The following SLC22A15 variants were observed in gnomAD, a reference collection of about 807,000 sequenced individuals.
The protein encoded by SLC22A15 is solute carrier family 22 member 15.
A neutral mutation model predicts 62.7 loss-of-function variants in SLC22A15; 45 were observed. That is an observed-to-expected ratio of 0.72 (90% CI 0.56 to 0.92). SLC22A15 has a LOEUF of 0.92. SLC22A15 is among the 40% of genes least tolerant of loss of function. The probability of loss-of-function intolerance (pLI) is 0.00; values close to 1 mark genes in which losing one functional copy is unlikely to be tolerated. For synonymous variants in SLC22A15, 264 were observed against 267.0 expected (o/e 0.99, Z 0.11); for missense variants, 622 against 665.6 (o/e 0.93, Z 0.72).
intron 1 of SLC22A15, among the ~76,000 whole-genome samples, chr1:115,979,021 A>G (rs1333459861): frequency 6.6e-6 from 1 of 152,176 alleles, no homozygotes; most frequent in African/African-American, 2.4e-5. Flanking sequence ...GCGATTTGAT[A>G]ATGATTAACC....
chr1:115,976,762 C>G, intron 1 of SLC22A15, 48 bp downstream of exon 1: 1 of 1,440,912 alleles, frequency 6.9e-7, no homozygotes, highest in African/African-American at 1.5e-5. Flanking sequence ...CAGGGCCGCC[C>G]GGCGCAGGGC....
chr1:116,036,275 C>A lies in SLC22A15; in HGVS notation c.1085+948C>A, dbSNP rs1359587650. On this transcript the variant is annotated intron_variant, in intron 7 of 11. Coordinates refer to ENST00000369503, the MANE Select transcript of SLC22A15 (RefSeq NM_018420.3). ...GTGCTGCTCTAGCACCCTGTGCATA[C>A]CTCTGGGGCCACTTAAAAGTGTTAT... 2.9e-4 allele frequency among the ~76,000 whole-genome samples: 44 copies of A among 152,170 alleles called. 1 individual carries two copies. Among genetic ancestry groups the A allele is most frequent in the Admixed American group, 2.7e-3 (42 of 15,274 alleles).
chr1:116,052,000 T>C (rs925465487), intron 8 of SLC22A15, among the ~76,000 whole-genome samples: 5 of 152,200 alleles, frequency 3.3e-5, no homozygotes, highest in African/African-American at 7.2e-5. Context: ...GATTTCTGCA[T>C]TTCCATCTGA....
At position 115,993,940 on chromosome 1, in the gene SLC22A15, C is replaced by T. The variant is rs114145406; in HGVS notation, c.300+1697C>T. Among the ~76,000 whole-genome samples the T allele has an allele frequency of 3.6e-3, 542 of 152,304 alleles. 5 individuals carry two copies. The highest frequency in any genetic ancestry group is 0.013 in the African/African-American group (526 of 41,568). Reference sequence around the variant, plus strand: ...GGAAAGCCCTCACCGCTTGCCCTGGCTTCCACCTGGTGAAATCCTTATCTA... The same window carrying T: ...GGAAAGCCCTCACCGCTTGCCCTGGTTTCCACCTGGTGAAATCCTTATCTA... On this transcript the variant is annotated intron_variant, in intron 2 of 11. Transcript: ENST00000369503.
At chr1:116,033,678 C>T (rs1657524801) in intron 6 of SLC22A15, among the ~76,000 whole-genome samples, 1 of 151,906 alleles carries the variant, frequency 6.6e-6, no homozygotes, top group Admixed American at 6.6e-5. Context: ...AATGCTGTTT[C>T]TGCAGGTGTA....
At chr1:116,002,172 T>A (rs1655773917) in intron 2 of SLC22A15, among the ~76,000 whole-genome samples, 1 of 152,208 alleles carries the variant, frequency 6.6e-6, no homozygotes, top group Non-Finnish European at 1.5e-5. Context: ...TCTTGTTCTC[T>A]TCCCTTACTG....
intron 6 of SLC22A15, chr1:116,031,876 T>C (rs1035678254): frequency 2.5e-6 from 3 of 1,187,476 alleles, no homozygotes; most frequent in Non-Finnish European, 1.0e-6. Context: ...TAAGCCTTCC[T>C]GCCCCTTCCC....
intron 3 of SLC22A15, among the ~76,000 whole-genome samples, chr1:116,020,078 G>T (rs1053576202): frequency 6.6e-6 from 1 of 152,188 alleles, no homozygotes; most frequent in South Asian, 2.1e-4. Context: ...CATTTCAAAT[G>T]AGCTCTACAG....
chr1:116,027,422 A>G (rs920019111), intron 5 of SLC22A15: 1 of 495,932 alleles, frequency 2.0e-6, no homozygotes, highest in Non-Finnish European at 4.1e-6. Context: ...TGTTCATCCT[A>G]CAGATTAGTG....
intron 1 of SLC22A15, among the ~76,000 whole-genome samples, chr1:115,991,814 T>C (rs74817986): frequency 3.7e-4 from 57 of 152,334 alleles, no homozygotes; most frequent in African/African-American, 1.3e-3. Flanking sequence ...AAGTATAAAG[T>C]GTTTTACAAG....
At position 116,066,577 on chromosome 1, in the gene SLC22A15, G is replaced by A. The variant is rs201279625; in HGVS notation, c.1423G>A (p.Gly475Ser). ...IVFGATGLTSGLLSLLLPETL... is the reference protein window; with the variant it reads ...IVFGATGLTSSLLSLLLPETL... The stretch of plus-strand genomic sequence containing the variant: ...CTTCGGAGCCACGGGTCTGACCTCC[G>A]GCCTCCTGAGTTTGTTATTGCCGGA... Residue 475 changes from glycine to serine, a missense_variant, in exon 11 of 12, where the codon GGC (glycine) becomes AGC (serine). Coordinates refer to ENST00000369503, the MANE Select transcript of SLC22A15 (RefSeq NM_018420.3). 52 of 1,607,146 alleles carry A rather than the reference G, an allele frequency of 3.2e-5. No homozygotes were observed. Among genetic ancestry groups the A allele is most frequent in the South Asian group, 4.5e-5 (4 of 89,644 alleles).
intron 8 of SLC22A15, among the ~76,000 whole-genome samples, chr1:116,042,552 A>T (rs985513013): frequency 1.3e-5 from 2 of 152,282 alleles, no homozygotes; most frequent in African/African-American, 4.8e-5. Flanking sequence ...AGGAGGGGAT[A>T]AAGAAAAAGT....
intron 5 of SLC22A15, chr1:116,027,357 G>A (rs758907137): frequency 7.6e-6 from 4 of 526,240 alleles, no homozygotes; most frequent in South Asian, 5.6e-5. Context: ...CTAGGTGTGT[G>A]ACTGAGGTAT....
intron 3 of SLC22A15, 29 bp from the exon 4 acceptor site, chr1:116,020,692 G>A (rs549268645): frequency 6.4e-7 from 1 of 1,565,832 alleles, no homozygotes; most frequent in Non-Finnish European, 8.7e-7. Flanking sequence ...TTTGCCTCTG[G>A]ATTATTGAAT....
At chr1:116,041,568 T>G (rs1657785187) in intron 8 of SLC22A15, among the ~76,000 whole-genome samples, 1 of 152,120 alleles carries the variant, frequency 6.6e-6, no homozygotes, top group African/African-American at 2.4e-5. Flanking sequence ...GCTCTGAAAA[T>G]GCCCTAGCAC....
At chr1:116,022,759 A>T (rs953469112) in intron 4 of SLC22A15, among the ~76,000 whole-genome samples, 1 of 152,218 alleles carries the variant, frequency 6.6e-6, no homozygotes, top group Non-Finnish European at 1.5e-5. Context: ...TAGCAAAGTG[A>T]AAAGGGAGAG....
At chr1:115,979,641 G>A (rs1168456206) in intron 1 of SLC22A15, among the ~76,000 whole-genome samples, 1 of 152,120 alleles carries the variant, frequency 6.6e-6, no homozygotes, top group Non-Finnish European at 1.5e-5. Context: ...TGGTGATTCC[G>A]AGTTGCTGCC....
At chr1:116,028,523 C>CTTTTTTTTTTTT in intron 5 of SLC22A15, among the ~76,000 whole-genome samples, 1 of 84,066 alleles carries the variant, frequency 1.2e-5, no homozygotes, top group South Asian at 4.0e-4. Flanking sequence ...AGCTGTTCTG[C>CTTTTTTTTTTTT]TTTTTTTTTT....
intron 2 of SLC22A15, among the ~76,000 whole-genome samples, chr1:116,012,724 T>C (rs1447021132): frequency 6.6e-6 from 1 of 152,214 alleles, no homozygotes. Context: ...TTAAAACACA[T>C]TATAGGTGGT....
Sources: gnomAD v4.1 joint callset for allele counts (sites outside exome capture counted in the v4.1 genomes callset) on GRCh38, gnomAD v4.1.1 for gene constraint, MANE v1.5 for transcripts, NCBI Gene and HGNC (gene_info 2026-07-23, HGNC 2026-07-21) for gene names.